Variants in SLC35F3 observed in about 807,000 individuals in gnomAD.
SLC35F3 encodes the protein solute carrier family 35 member F3, also known as putative thiamine transporter SLC35F3.
In SLC35F3, 25 loss-of-function variants were observed where a neutral mutation model predicts 49.9. That is an observed-to-expected ratio of 0.50 (90% CI 0.37 to 0.70). The LOEUF is 0.70. Among genes scored for constraint, SLC35F3 ranks in the 30% least tolerant of loss-of-function variants. The pLI is 0.00. For missense variants in SLC35F3, 525 were observed against 639.8 expected (o/e 0.82, Z 1.94); for synonymous variants, 275 against 265.4 (o/e 1.04, Z -0.35).
In SLC35F3 at chr1:234,309,300, G is replaced by A; in HGVS notation, c.808G>A (p.Asp270Asn). The A allele has an allele frequency of 1.2e-6, 2 of 1,614,182 alleles. No homozygotes were observed. The highest frequency in any genetic ancestry group is 1.7e-6 in the Non-Finnish European group (2 of 1,180,014). ...CTTGCTCTCATGGATCGTTCTCAGG[G>A]ACAGATTCATGGGAGTGAGGGTAAG... ...VFLLSWIVLR[D>N]RFMGVRIVAA... Residue 270 changes from aspartate to asparagine, a missense_variant, in exon 4 of 8, where the codon GAC becomes AAC. Physicochemically the swap from Asp to Asn is conservative, Grantham distance 23 (BLOSUM62 1). This residue lies in a region of SLC35F3 where 216 missense variants were observed against 298.1 expected (regional missense o/e 0.72). Transcript: ENST00000366618.
intron 2 of SLC35F3, among the ~76,000 whole-genome samples, chr1:233,925,205 G>A (rs1433195587): frequency 6.7e-6 from 1 of 150,014 alleles, no homozygotes; most frequent in Non-Finnish European, 1.5e-5. Flanking sequence ...TTTCTGTCTC[G>A]TTGATCTGTC....
chr1:234,223,546 C>T (rs566183893), intron 2 of SLC35F3, among the ~76,000 whole-genome samples: 3 of 152,166 alleles, frequency 2.0e-5, no homozygotes, highest in Non-Finnish European at 2.9e-5. Flanking sequence ...AACTTTACAA[C>T]AAAGATTCAA....
intron 3 of SLC35F3, among the ~76,000 whole-genome samples, chr1:234,295,366 C>T (rs1372911469): frequency 6.6e-6 from 1 of 152,216 alleles, no homozygotes; most frequent in Non-Finnish European, 1.5e-5. Context: ...CCTTGCGAAG[C>T]TTGGGCTTTG....
At chr1:234,029,246 C>T (rs1664022346) in intron 2 of SLC35F3, among the ~76,000 whole-genome samples, 1 of 152,078 alleles carries the variant, frequency 6.6e-6, no homozygotes, top group Non-Finnish European at 1.5e-5. Flanking sequence ...ATGTAGACAC[C>T]GGGTCTTGTG....
chr1:233,966,484 A>G (rs1662908230), intron 2 of SLC35F3, among the ~76,000 whole-genome samples: 1 of 152,138 alleles, frequency 6.6e-6, no homozygotes, highest in Non-Finnish European at 1.5e-5. Flanking sequence ...CAAATGGCCA[A>G]TCAGATTTCA....
chr1:234,273,380 C>T (rs560275267), intron 3 of SLC35F3, among the ~76,000 whole-genome samples: 27 of 152,302 alleles, frequency 1.8e-4, no homozygotes, highest in East Asian at 3.9e-4. Context: ...ATGCAGGGAA[C>T]GCAAGCCCAG....
At chr1:233,907,852 C>T (rs201473585) in intron 2 of SLC35F3, among the ~76,000 whole-genome samples, 2 of 152,134 alleles carry the variant, frequency 1.3e-5, no homozygotes, top group Admixed American at 6.5e-5. Flanking sequence ...CAGCCTCCTG[C>T]GTAGCTGGGA....
intron 2 of SLC35F3, among the ~76,000 whole-genome samples, chr1:233,992,356 C>T (rs972574040): frequency 5.3e-5 from 8 of 152,178 alleles, no homozygotes; most frequent in African/African-American, 1.7e-4. Context: ...CATAATCTTG[C>T]AGGCAGGGAA....
In SLC35F3 at chr1:233,905,066, CTG is replaced by C; in HGVS notation, c.-10_-9del. On this transcript the variant is annotated 5_prime_UTR_variant, in exon 1 of 8. Transcript: ENST00000366618. ...AAGTCTGGGAGCTGCCGGTCCCACTCTGTCTTTGCCTATGGGGATTCGAGAGT... is the reference window on the plus strand; with the variant it reads ...AAGTCTGGGAGCTGCCGGTCCCACTCTCTTTGCCTATGGGGATTCGAGAGT... 6.4e-7 allele frequency: 1 copy of C among 1,559,060 alleles called. No individual in the cohort carries two copies. Among genetic ancestry groups the C allele is most frequent in the Non-Finnish European group, 8.7e-7 (1 of 1,150,526 alleles).
intron 4 of SLC35F3, among the ~76,000 whole-genome samples, chr1:234,313,167 G>A (rs767335798): frequency 6.6e-6 from 1 of 152,122 alleles, no homozygotes; most frequent in Non-Finnish European, 1.5e-5. Context: ...GTGAACCACC[G>A]CGCCAGGCCT....
intron 3 of SLC35F3, among the ~76,000 whole-genome samples, chr1:234,242,057 A>G (rs553848952): frequency 6.6e-6 from 1 of 152,318 alleles, no homozygotes; most frequent in East Asian, 1.9e-4. Flanking sequence ...CATTCCACAT[A>G]AGCTTTGCTT....
At chr1:234,140,725 C>T (rs556868282) in intron 2 of SLC35F3, among the ~76,000 whole-genome samples, 81 of 152,320 alleles carry the variant, frequency 5.3e-4, no homozygotes, top group African/African-American at 1.7e-3. Flanking sequence ...GTCTTACTCA[C>T]CCCTCCTTTG....
At chr1:234,268,812 A>G (rs1002134335) in intron 3 of SLC35F3, 3 of 152,238 alleles carry the variant, frequency 2.0e-5, no homozygotes, top group African/African-American at 4.8e-5. Context: ...AGACTTCTCC[A>G]TGGAGGACTC....
At chr1:234,312,856 TTTTTG>T (rs1166835305) in intron 4 of SLC35F3, among the ~76,000 whole-genome samples, 1 of 124,422 alleles carries the variant, frequency 8.0e-6, no homozygotes, top group Admixed American at 7.9e-5. Context: ...TTTTTAGGTT[TTTTTG>T]TTTGTTTGTT....
intron 2 of SLC35F3, among the ~76,000 whole-genome samples, chr1:234,228,307 T>C (rs994199828): frequency 1.3e-5 from 2 of 152,354 alleles, no homozygotes; most frequent in Admixed American, 6.5e-5. Context: ...ACCACCTGCC[T>C]CTTCTGATTC....
chr1:234,169,384 G>A (rs894643448), intron 2 of SLC35F3, among the ~76,000 whole-genome samples: 1 of 152,142 alleles, frequency 6.6e-6, no homozygotes, highest in African/African-American at 2.4e-5. Flanking sequence ...GAGGAGGTCC[G>A]GGTCCTCACC....
intron 2 of SLC35F3, among the ~76,000 whole-genome samples, chr1:234,045,925 C>T (rs1664284738): frequency 6.6e-6 from 1 of 151,978 alleles, no homozygotes; most frequent in Non-Finnish European, 1.5e-5. Context: ...TAGCAATATC[C>T]TTGTTCAACT....
At chr1:234,198,781 T>G (rs769794576) in intron 2 of SLC35F3, among the ~76,000 whole-genome samples, 20 of 152,184 alleles carry the variant, frequency 1.3e-4, no homozygotes, top group Non-Finnish European at 2.8e-4. Flanking sequence ...AATCTATTCT[T>G]TAGCAATTTT....
At chr1:233,972,069 G>A (rs1437967642) in intron 2 of SLC35F3, among the ~76,000 whole-genome samples, 1 of 152,226 alleles carries the variant, frequency 6.6e-6, no homozygotes, top group African/African-American at 2.4e-5. Flanking sequence ...GGCTCCTCGG[G>A]TAACAGTATT....
Sources: allele counts gnomAD v4.1 joint callset (sites outside exome capture counted in the v4.1 genomes callset), GRCh38; gene constraint gnomAD v4.1.1; regional missense constraint gnomAD v4.1.1; transcripts MANE v1.5; gene names NCBI Gene and HGNC (gene_info 2026-07-23, HGNC 2026-07-21).